CBLN2: variants seen among roughly 807,000 people sequenced by gnomAD.
The protein encoded by CBLN2 is cerebellin 2 precursor, also known as cerebellin-2.
CBLN2 carries 7 observed loss-of-function variants against 15.0 expected under a neutral mutation model. The observed-to-expected ratio is 0.47, with a 90% CI of 0.27 to 0.88. The LOEUF (loss-of-function observed/expected upper bound fraction) is 0.88. Ranked by LOEUF, CBLN2 falls within the 40% of genes least tolerant of loss-of-function variation. The pLI, the probability that CBLN2 is intolerant of heterozygous loss-of-function variation, is 0.14. For missense variants in CBLN2, 242 were observed against 304.5 expected, an observed-to-expected ratio of 0.79 and a Z score of 1.53; for synonymous variants, 149 against 135.2, an observed-to-expected ratio of 1.10 and a Z score of -0.71.
Position 72,538,776 on chromosome 18 carries a change from A to G in CBLN2, c.358-4T>C. On this transcript the variant is annotated splice_polypyrimidine_tract_variant and splice_region_variant and intron_variant, in intron 3 of 4. Transcript: ENST00000269503. The stretch of plus-strand genomic sequence containing the variant: ...GGTTGCCAATATTTACTAATACCTG[A>G]AAAAGAAGAGGGAACACAGCACACA... The G allele has an allele frequency of 6.2e-7, 1 of 1,613,192 alleles. No individual in the cohort carries two copies. Among genetic ancestry groups the G allele is most frequent in the Non-Finnish European group, 8.5e-7 (1 of 1,179,830 alleles).
rs191809239 is a variant in CBLN2, at chr18:72,543,172, G to T, written c.-167+314C>A. ...CCTGCAGGTTTCTGCGAACTTACGC[G>T]CCCGTCTGCACTTTTGCCCCGTCCC... On this transcript the variant is annotated intron_variant, in intron 2 of 4. Transcript: ENST00000269503. The surrounding 1 kb of genome is among the most constrained non-coding windows in gnomAD (Gnocchi z 6.8). 34 of 262,620 alleles carry T rather than the reference G, an allele frequency of 1.3e-4. No homozygotes were observed. The highest frequency in any genetic ancestry group is 1.8e-4 in the Non-Finnish European group (25 of 139,656). 16.3% of individuals were successfully genotyped at this position (262,620 alleles called of 1,614,324 possible).
chr18:72,625,812 C>A (rs60825220), intron 1 of CBLN2, among the ~76,000 whole-genome samples: 7,224 of 67,148 alleles, frequency 0.11, 365 homozygotes, highest in Non-Finnish European at 0.16. Context: ...CTCTCTCTCT[C>A]TCTCTCTATA....
Position 72,559,847 on chromosome 18 carries a change from A to C in CBLN2, c.16-21075T>G, listed in dbSNP as rs993451417. 3.9e-5 allele frequency among the ~76,000 whole-genome samples: 6 copies of C among 152,228 alleles called. No homozygotes were observed. In the East Asian group the frequency reaches 1.2e-3, roughly 29 times the overall value. ...CTCTTGGGGTTTCTGAAATCAAATG[A>C]AGTGCAATGAAAAGTAGCAAAGAAA... On this transcript the variant is annotated intron_variant, in intron 1 of 2. Transcript: ENST00000581073.
intron 1 of CBLN2, among the ~76,000 whole-genome samples, chr18:72,572,106 G>T (rs1200124204): frequency 6.6e-6 from 1 of 152,094 alleles, no homozygotes; most frequent in East Asian, 1.9e-4. Flanking sequence ...ATAATCTAGG[G>T]TTTGGGCTCT....
chr18:72,629,697 G>A (rs1485820308), intron 1 of CBLN2, among the ~76,000 whole-genome samples: 3 of 151,898 alleles, frequency 2.0e-5, no homozygotes, highest in East Asian at 1.9e-4. Flanking sequence ...TTGGACTCTC[G>A]GAAAGCCTAG....
intron 1 of CBLN2, among the ~76,000 whole-genome samples, chr18:72,580,856 C>A (rs2144918057): frequency 6.6e-6 from 1 of 152,288 alleles, no homozygotes; most frequent in East Asian, 1.9e-4. Context: ...TATTGACAGA[C>A]TCTCTTCTTA....
intron 1 of CBLN2, among the ~76,000 whole-genome samples, chr18:72,592,710 C>G (rs915794680): frequency 6.6e-6 from 1 of 152,034 alleles, no homozygotes; most frequent in Non-Finnish European, 1.5e-5. Context: ...CTTCTGCATA[C>G]GGTTATCCAG....
intron 1 of CBLN2, among the ~76,000 whole-genome samples, chr18:72,564,109 A>G (rs1298463098): frequency 6.6e-6 from 1 of 152,198 alleles, no homozygotes; most frequent in East Asian, 1.9e-4. Flanking sequence ...TTCACCAGAT[A>G]TGCGGAAATC....
Position 72,542,041 on chromosome 18 carries a change from C to G in CBLN2, c.120G>C (p.Leu40Phe), listed in dbSNP as rs767784866. Reference sequence around the variant, plus strand: ...CGGGGCAGCAGGCGGGCAGTAGCAGCAACAGCAGGGCCAGCGCCACCCCCA... The same window carrying G: ...CGGGGCAGCAGGCGGGCAGTAGCAGGAACAGCAGGGCCAGCGCCACCCCCA... ...SCLGVALALL[L>F]LLLPACCPVR... The change falls in exon 3 of 5, where the codon TTG becomes TTC. Residue 40 changes from leucine to phenylalanine, a missense_variant. Coordinates refer to ENST00000269503, the MANE Select transcript of CBLN2 (RefSeq NM_182511.4). The G allele has an allele frequency of 2.6e-5, 42 of 1,590,680 alleles. No individual in the cohort carries two copies. The highest frequency in any genetic ancestry group is 3.4e-5 in the Non-Finnish European group (40 of 1,176,676).
Position 72,615,384 on chromosome 18 carries a change from C to T in CBLN2, c.15+22941G>A, listed in dbSNP as rs549055230. On this transcript the variant is annotated intron_variant, in intron 1 of 2. Transcript: ENST00000581073. ...CTCCTCCTCCCGGGTTCAAACGATT[C>T]TCCTGCCTCAGCCTCCAGAGTAGCT... is the stretch of plus-strand genomic sequence containing the variant. 5.6e-4 allele frequency among the ~76,000 whole-genome samples: 84 copies of T among 150,572 alleles called. 1 individual carries two copies. The highest frequency in any genetic ancestry group is 2.1e-3 in the African/African-American group (84 of 40,952).
chr18:72,573,629 T>C (rs1168002427), intron 1 of CBLN2, among the ~76,000 whole-genome samples: 1 of 152,254 alleles, frequency 6.6e-6, no homozygotes, highest in Non-Finnish European at 1.5e-5. Flanking sequence ...TCATAGATCA[T>C]TTCTTTTTAG....
intron 1 of CBLN2, among the ~76,000 whole-genome samples, chr18:72,585,565 G>A (rs2069437237): frequency 6.6e-6 from 1 of 152,126 alleles, no homozygotes; most frequent in African/African-American, 2.4e-5. Context: ...GGGAGGAAGT[G>A]CATGCTGATT....
At chr18:72,538,435 C>A (rs2069084224) in intron 4 of CBLN2, 62 bp from the exon 5 acceptor site, 1 of 1,573,636 alleles carries the variant, frequency 6.4e-7, no homozygotes, top group South Asian at 1.1e-5. Context: ...ACACTGTTCT[C>A]TCCTTTGCCA....
chr18:72,585,438 C>A (rs931348262), intron 1 of CBLN2, among the ~76,000 whole-genome samples: 1 of 152,122 alleles, frequency 6.6e-6, no homozygotes, highest in Non-Finnish European at 1.5e-5. Flanking sequence ...GCAGGTCACA[C>A]CATTGTCTCT....
intron 1 of CBLN2, among the ~76,000 whole-genome samples, chr18:72,571,649 G>A (rs143651401): frequency 6.6e-6 from 1 of 152,164 alleles, no homozygotes; most frequent in Admixed American, 6.5e-5. Context: ...GTCCACCACT[G>A]TCCGTGGCGA....
chr18:72,625,733 C>G (rs1338748774), intron 1 of CBLN2, among the ~76,000 whole-genome samples: 1 of 111,406 alleles, frequency 9.0e-6, no homozygotes, highest in African/African-American at 3.3e-5. Flanking sequence ...TATACACACT[C>G]TTGTCCGTTA....
intron 1 of CBLN2, among the ~76,000 whole-genome samples, chr18:72,553,047 A>G (rs1004579952): frequency 1.3e-5 from 2 of 152,242 alleles, no homozygotes; most frequent in African/African-American, 4.8e-5. Context: ...ATTTTCTCAT[A>G]TATGTGCATA....
intron 1 of CBLN2, among the ~76,000 whole-genome samples, chr18:72,617,299 T>C (rs1445272620): frequency 6.6e-6 from 1 of 152,174 alleles, no homozygotes; most frequent in Non-Finnish European, 1.5e-5. Context: ...ATGCTCTCCG[T>C]AAACTTATAC....
At chr18:72,551,415 T>A (rs1347129702) in intron 1 of CBLN2, among the ~76,000 whole-genome samples, 2 of 152,196 alleles carry the variant, frequency 1.3e-5, no homozygotes, top group Non-Finnish European at 2.9e-5. Flanking sequence ...GGACACATTT[T>A]AATCCTGTGC....
Sources: allele counts gnomAD v4.1 joint callset (sites outside exome capture counted in the v4.1 genomes callset), GRCh38; gene constraint gnomAD v4.1.1; non-coding constraint Gnocchi (gnomAD v3.1); transcripts MANE v1.5; gene names NCBI Gene and HGNC (gene_info 2026-07-23, HGNC 2026-07-21).